Variants in GLB1L3 observed in about 807,000 individuals in gnomAD.
GLB1L3 encodes beta-galactosidase-1-like protein 3.
A neutral mutation model predicts 89.5 loss-of-function variants in GLB1L3; 89 were observed. The ratio of observed to expected loss-of-function variants is 0.99; its 90% CI spans 0.84 to 1.19. The LOEUF is 1.19. Ranked by LOEUF, GLB1L3 falls within the 50% of genes most tolerant of loss-of-function variation. The probability of loss-of-function intolerance (pLI) is 0.00; values close to 1 mark genes in which losing one functional copy is unlikely to be tolerated. For missense variants in GLB1L3, 812 were observed against 813.3 expected (o/e 1.00, Z 0.02); for synonymous variants, 314 against 312.3 (o/e 1.01, Z -0.06).
At chr11:134,306,312 A>G (rs1942203217) in intron 9 of GLB1L3, among the ~76,000 whole-genome samples, 1 of 152,210 alleles carries the variant, frequency 6.6e-6, no homozygotes. Flanking sequence ...CCCAATTAAT[A>G]ATTTTAAATA....
At position 134,312,408 on chromosome 11, in the gene GLB1L3, C is replaced by A. The variant is rs369281670; in HGVS notation, c.1347C>A (p.Gly449=). The change falls in exon 14 of 20, where the codon GGC becomes GGA. Residue 449 remains glycine (G), a synonymous_variant. Transcript: ENST00000431683. ...ACCTTCCCATAAACAATGGGAGCGG[C>A]CAGTCCTACGGGCTTGTCCTGTATG... is the stretch of plus-strand genomic sequence containing the variant. ...MENLPINNGS[G]QSYGLVLYEK... 2.5e-6 allele frequency: 4 copies of A among 1,613,652 alleles called. No homozygotes were observed. Among genetic ancestry groups the A allele is most frequent in the Non-Finnish European group, 3.4e-6 (4 of 1,179,876 alleles).
At chr11:134,308,708 T>C (rs1942569408) in intron 10 of GLB1L3, among the ~76,000 whole-genome samples, 1 of 139,572 alleles carries the variant, frequency 7.2e-6, no homozygotes, top group South Asian at 2.5e-4. Flanking sequence ...ATAAAACTTT[T>C]CTGGTCTCTT....
intron 9 of GLB1L3, among the ~76,000 whole-genome samples, chr11:134,298,782 A>C (rs527579105): frequency 2.0e-5 from 3 of 152,152 alleles, no homozygotes; most frequent in Non-Finnish European, 2.9e-5. Flanking sequence ...TCCCAGTCTC[A>C]GGTATGTCTT....
chr11:134,310,228 A>C (rs1160990228), intron 11 of GLB1L3: 2 of 372,606 alleles, frequency 5.4e-6, no homozygotes, highest in South Asian at 4.5e-5. Flanking sequence ...TTAAAAAAAA[A>C]ACACAAAATG....
chr11:134,282,194 G>C, intron 5 of GLB1L3, 74 bp downstream of exon 5: 1 of 1,452,814 alleles, frequency 6.9e-7, no homozygotes, highest in Non-Finnish European at 9.2e-7. Flanking sequence ...TTTCAAGCTA[G>C]TAACAAGGAA....
intron 9 of GLB1L3, among the ~76,000 whole-genome samples, chr11:134,306,214 A>T (rs1259783181): frequency 6.6e-6 from 1 of 152,242 alleles, no homozygotes; most frequent in Non-Finnish European, 1.5e-5. Flanking sequence ...TTAGAATGGC[A>T]TAGGATTATA....
downstream of GLB1L3, among the ~76,000 whole-genome samples, chr11:134,321,867 A>G (rs1943173198): frequency 6.6e-6 from 1 of 151,966 alleles, no homozygotes; most frequent in Admixed American, 6.6e-5. Flanking sequence ...ATGTATACAT[A>G]TGTAACAAAC....
At chr11:134,290,448 C>G (rs1941286384) in intron 7 of GLB1L3, among the ~76,000 whole-genome samples, 1 of 151,762 alleles carries the variant, frequency 6.6e-6, no homozygotes, top group African/African-American at 2.4e-5. Context: ...TGGTGCACAC[C>G]TGTAATCCCA....
At position 134,277,747 on chromosome 11, in the gene GLB1L3, T is replaced by C; in HGVS notation, c.197T>C (p.Val66Ala). The C allele has an allele frequency of 6.2e-7, 1 of 1,613,512 alleles. No individual in the cohort carries two copies. Among genetic ancestry groups the C allele is most frequent in the Non-Finnish European group, 8.5e-7 (1 of 1,179,778 alleles). The change falls in exon 3 of 20, where the codon GTG becomes GCG. Residue 66 changes from valine to alanine, a missense_variant. This residue lies in a region of GLB1L3 where 191 missense variants were observed against 191.4 expected (regional missense o/e 1.00). Transcript: ENST00000431683. ...LTPLELKNRS[V>A]GLGTESTGRG... ...CCTCTGGAGCTGAAGAATCGATCTG[T>C]GGGACTTGGAACTGAAAGCACAGGT...
chr11:134,276,804 C>T (rs1376080980), intron 1 of GLB1L3, 41 bp downstream of exon 1: 1 of 1,372,564 alleles, frequency 7.3e-7, no homozygotes, highest in East Asian at 3.2e-5. Flanking sequence ...CCCACCACCC[C>T]GGCGCGTGCC....
At chr11:134,286,640 G>A (rs565198425) in intron 6 of GLB1L3, among the ~76,000 whole-genome samples, 42 of 151,712 alleles carry the variant, frequency 2.8e-4, no homozygotes, top group African/African-American at 9.0e-4. Context: ...AGCCGGGCGT[G>A]GTGGCGGGCG....
At chr11:134,302,466 TC>T (rs757242676) in intron 9 of GLB1L3, among the ~76,000 whole-genome samples, 12 of 152,242 alleles carry the variant, frequency 7.9e-5, no homozygotes, top group Non-Finnish European at 1.3e-4. Context: ...TTCACTTAAT[TC>T]TATAATATAT....
rs761331217 is a variant in GLB1L3 at position 134,282,126 on chromosome 11, C to T, written c.527+6C>T. The T allele has an allele frequency of 7.5e-5, 117 of 1,564,078 alleles. 1 individual carries two copies. The highest frequency in any genetic ancestry group is 1.2e-4 in the South Asian group (10 of 85,660). On this transcript the variant is annotated splice_donor_region_variant and intron_variant, in intron 5 of 19. Transcript: ENST00000431683. ...GACCTCGGGGGCTTGCCCAGGTAAG[C>T]GGGGCTACAGTCCCAGAGTCGTGGT...
At chr11:134,301,836 G>A (rs1941963674) in intron 9 of GLB1L3, among the ~76,000 whole-genome samples, 1 of 151,930 alleles carries the variant, frequency 6.6e-6, no homozygotes, top group African/African-American at 2.4e-5. Context: ...TGTTTCTTTG[G>A]CCTATGAGTA....
chr11:134,279,154 T>C (rs1940541504), intron 3 of GLB1L3, among the ~76,000 whole-genome samples: 1 of 152,196 alleles, frequency 6.6e-6, no homozygotes, highest in Non-Finnish European at 1.5e-5. Context: ...TTGGAAATAT[T>C]TTGCACAAGA....
chr11:134,305,167 C>T, intron 9 of GLB1L3: 1 of 1,300,860 alleles, frequency 7.7e-7, no homozygotes, highest in Non-Finnish European at 1.1e-6. Context: ...GCAGCAACTT[C>T]TTCCTCCTTA....
At chr11:134,291,464 T>C (rs536203184) in intron 7 of GLB1L3, among the ~76,000 whole-genome samples, 1 of 152,244 alleles carries the variant, frequency 6.6e-6, no homozygotes, top group South Asian at 2.1e-4. Context: ...CAAGCTGGTC[T>C]CAAACTCTTG....
chr11:134,308,432 C>T (rs1591579818), intron 10 of GLB1L3, among the ~76,000 whole-genome samples: 6 of 88,246 alleles, frequency 6.8e-5, no homozygotes, highest in South Asian at 2.9e-4. Flanking sequence ...TCACCATCAC[C>T]ACCACCACCA....
chr11:134,313,652 G>C (rs1942851368), intron 16 of GLB1L3, among the ~76,000 whole-genome samples, 178 bp downstream of exon 16: 1 of 152,222 alleles, frequency 6.6e-6, no homozygotes, highest in African/African-American at 2.4e-5. Flanking sequence ...CTGATCTCCA[G>C]GGCCAGAGGG....
Sources: gnomAD v4.1 joint callset for allele counts (sites outside exome capture counted in the v4.1 genomes callset) on GRCh38, gnomAD v4.1.1 for gene constraint, gnomAD v4.1.1 regional missense constraint, MANE v1.5 for transcripts, NCBI Gene and HGNC (gene_info 2026-07-23, HGNC 2026-07-21) for gene names.